PHC3: variants seen among roughly 807,000 people sequenced by gnomAD.
The protein encoded by PHC3 is polyhomeotic homolog 3.
A neutral mutation model predicts 107.4 loss-of-function variants in PHC3; 13 were observed. The observed-to-expected ratio is 0.12, with a 90% CI of 0.08 to 0.19. The LOEUF is 0.19. Ranked by LOEUF, PHC3 falls within the 10% of genes least tolerant of loss-of-function variation. PHC3 has a pLI of 1.00. For missense variants in PHC3, 992 were observed against 1,210.9 expected, an observed-to-expected ratio of 0.82 and a Z score of 2.68; for synonymous variants, 456 against 427.4, an observed-to-expected ratio of 1.07 and a Z score of -0.83.
intron 7 of PHC3, among the ~76,000 whole-genome samples, chr3:170,135,778 G>C (rs753828182): frequency 3.4e-4 from 52 of 152,018 alleles, no homozygotes; most frequent in Non-Finnish European, 1.9e-4. Flanking sequence ...TCAATCCTGA[G>C]AAATTCTGAG....
chr3:170,108,988 A>G (rs1238107111), intron 11 of PHC3, among the ~76,000 whole-genome samples: 35 of 148,582 alleles, frequency 2.4e-4, no homozygotes, highest in Admixed American at 2.3e-3. Flanking sequence ...AAATAAGAGT[A>G]GTATAAGTTT....
chr3:170,153,209 A>G (rs1167860509), intron 4 of PHC3, among the ~76,000 whole-genome samples: 2 of 152,194 alleles, frequency 1.3e-5, no homozygotes, highest in Non-Finnish European at 2.9e-5. Flanking sequence ...ATTCTCCAAG[A>G]CACAGTATCT....
At chr3:170,117,087 G>A in intron 10 of PHC3, 139 bp downstream of exon 10, 1 of 1,070,840 alleles carries the variant, frequency 9.3e-7, no homozygotes, top group African/African-American at 1.6e-5. Flanking sequence ...AAAGGAAGTA[G>A]AAAGATAAAT....
rs1186788753 is a variant in PHC3, at chr3:170,128,880, T to G, written c.1592A>C (p.Gln531Pro). The change falls in exon 8 of 15, where the codon CAG becomes CCG. Residue 531 changes from glutamine (Q) to proline (P), a missense_variant. Transcript: ENST00000495893. ...CTGCACTTGTAAAGACTGCATAGACTGCAAGGGCAGTGGTGGAATCTGAGC... is the reference window on the plus strand; with the variant it reads ...CTGCACTTGTAAAGACTGCATAGACGGCAAGGGCAGTGGTGGAATCTGAGC... ...PPAQIPPLPL[Q>P]SMQSLQVQPE... 1 of 1,614,042 alleles carries G rather than the reference T, an allele frequency of 6.2e-7. No individual in the cohort carries two copies. The highest frequency in any genetic ancestry group is 1.1e-5 in the South Asian group (1 of 91,090).
chr3:170,147,306 G>A (rs1301756761), intron 5 of PHC3: 1 of 152,080 alleles, frequency 6.6e-6, no homozygotes, highest in Non-Finnish European at 1.5e-5. Context: ...AGTTCCTCTT[G>A]CTATCTAAAT....
intron 11 of PHC3, among the ~76,000 whole-genome samples, chr3:170,112,660 A>G (rs1262884906): frequency 1.3e-5 from 2 of 150,502 alleles, no homozygotes; most frequent in African/African-American, 2.5e-5. Context: ...AGTAGCTGGT[A>G]TTACAGGTGC....
At chr3:170,110,593 T>C (rs1717455119) in intron 11 of PHC3, among the ~76,000 whole-genome samples, 1 of 152,206 alleles carries the variant, frequency 6.6e-6, no homozygotes, top group Non-Finnish European at 1.5e-5. Context: ...CTATACCATC[T>C]GTAGCTCCTT....
At chr3:170,145,768 G>A (rs1724835801) in intron 5 of PHC3, among the ~76,000 whole-genome samples, 1 of 152,122 alleles carries the variant, frequency 6.6e-6, no homozygotes, top group African/African-American at 2.4e-5. Context: ...ACTCAAAAAA[G>A]AAAATATATT....
At chr3:170,119,731 C>T (rs6444900) in intron 9 of PHC3, among the ~76,000 whole-genome samples, 67,340 of 151,742 alleles carry the variant, frequency 0.44, 15,200 homozygotes, top group East Asian at 0.69. Context: ...AGATGCTTTT[C>T]ACTTTCAAAA....
Position 170,122,749 on chromosome 3 carries a change from A to G in PHC3, c.1789-5T>C, listed in dbSNP as rs1488079382. Reference sequence around the variant, plus strand: ...CACATCTTCTACCTGATAAACCTGCAATGACAAACCATACTGCCTTAAAAT... The same window carrying G: ...CACATCTTCTACCTGATAAACCTGCGATGACAAACCATACTGCCTTAAAAT... On this transcript the variant is annotated splice_region_variant and splice_polypyrimidine_tract_variant and intron_variant, in intron 8 of 14. Transcript: ENST00000495893. The G allele has an allele frequency of 1.9e-6, 3 of 1,613,568 alleles. No individual in the cohort carries two copies. The highest frequency in any genetic ancestry group is 2.5e-6 in the Non-Finnish European group (3 of 1,179,718).
intron 4 of PHC3, among the ~76,000 whole-genome samples, chr3:170,168,749 G>A (rs1252414004): frequency 2.1e-5 from 2 of 93,736 alleles, no homozygotes; most frequent in Non-Finnish European, 3.8e-5. Context: ...GCGAGACTCC[G>A]TCTCAAAAAA....
At chr3:170,140,580 TTTTC>T (rs1329746261) in intron 6 of PHC3, among the ~76,000 whole-genome samples, 6 of 142,010 alleles carry the variant, frequency 4.2e-5, no homozygotes, top group Non-Finnish European at 6.0e-5. Flanking sequence ...ACTCATTTCT[TTTTC>T]TTTTTTTTTT....
chr3:170,146,769 G>A (rs1250123127), intron 5 of PHC3, among the ~76,000 whole-genome samples: 2 of 151,356 alleles, frequency 1.3e-5, no homozygotes, highest in African/African-American at 4.8e-5. Flanking sequence ...CTGACCTCAA[G>A]TGATCCGCCC....
Position 170,146,865 on chromosome 3 carries a change from A to T in PHC3, c.574-1344T>A, listed in dbSNP as rs1330218573. Among the ~76,000 whole-genome samples, 52 of 144,126 alleles carry T rather than the reference A, an allele frequency of 3.6e-4. 1 individual carries two copies. The highest frequency in any genetic ancestry group is 1.2e-4 in the Non-Finnish European group (8 of 66,352). The allele number at this position is 144,126 out of a possible 152,430, so 94.6% of individuals were successfully genotyped here. A position where few individuals can be genotyped will look rare whatever the true frequency, so the allele number is the denominator to read the frequency against. On this transcript the variant is annotated intron_variant, in intron 5 of 14. Coordinates refer to ENST00000495893, the MANE Select transcript of PHC3 (RefSeq NM_024947.4). ...TTTCAATATTCAAACAACTGCCATT[A>T]ATCTATTTTTTCTTTTTTTTTTTTT...
chr3:170,135,562 A>G (rs1367073987), intron 7 of PHC3, among the ~76,000 whole-genome samples: 1 of 152,110 alleles, frequency 6.6e-6, no homozygotes. Flanking sequence ...AAAACTATGC[A>G]GCTACATTAA....
At chr3:170,164,579 T>C (rs552834388) in intron 4 of PHC3, among the ~76,000 whole-genome samples, 1 of 152,238 alleles carries the variant, frequency 6.6e-6, no homozygotes, top group African/African-American at 2.4e-5. Flanking sequence ...AAAACTCTTA[T>C]GTTACATATA....
rs999478315 is a variant in PHC3 at position 170,087,977 on chromosome 3, C to CT, written c.*9252dup. 7.9e-5 allele frequency: 12 copies of CT among 152,072 alleles called. No individual in the cohort carries two copies. Among genetic ancestry groups the CT allele is most frequent in the African/African-American group, 2.9e-4 (12 of 41,410 alleles). The allele number at this position is 152,072 out of a possible 1,614,324, so 9.4% of individuals were successfully genotyped here. On this transcript the variant is annotated 3_prime_UTR_variant, in exon 15 of 15. Coordinates refer to ENST00000495893, the MANE Select transcript of PHC3 (RefSeq NM_024947.4). ...ACACTTTTTACATAGATCAAATGTG[C>CT]TCTTACAATGCAAAATTAACCTTCA...
chr3:170,111,325 C>CGAACGAACGAAA (rs1560033480), intron 11 of PHC3, among the ~76,000 whole-genome samples: 2 of 99,630 alleles, frequency 2.0e-5, no homozygotes, highest in East Asian at 2.5e-4. Flanking sequence ...AAGGAACGAA[C>CGAACGAACGAAA]GAACGAAAGA....
Position 170,112,461 on chromosome 3 carries a change from G to A in PHC3, c.2353+899C>T, listed in dbSNP as rs545328417. Reference sequence around the variant, plus strand: ...GATGGTCTTGATCTCTTGACCTTGTGATCCACCCACCTCAGCCTCCCAAAG... The same window carrying A: ...GATGGTCTTGATCTCTTGACCTTGTAATCCACCCACCTCAGCCTCCCAAAG... On this transcript the variant is annotated intron_variant, in intron 11 of 14. Coordinates refer to ENST00000495893, the MANE Select transcript of PHC3 (RefSeq NM_024947.4). 8.0e-5 allele frequency among the ~76,000 whole-genome samples: 12 copies of A among 150,218 alleles called. No homozygotes were observed. The East Asian group carries it at 2.2e-3, about 27-fold the overall frequency.
Sources: gnomAD v4.1 joint callset for allele counts (sites outside exome capture counted in the v4.1 genomes callset) on GRCh38, gnomAD v4.1.1 for gene constraint, MANE v1.5 for transcripts, NCBI Gene and HGNC (gene_info 2026-07-23, HGNC 2026-07-21) for gene names.